The following KCNIP4 variants were observed in gnomAD, a reference collection of about 807,000 sequenced individuals.
The protein encoded by KCNIP4 is Kv channel-interacting protein 4.
In KCNIP4, 12 loss-of-function variants were observed where a neutral mutation model predicts 34.0. The observed-to-expected ratio is 0.35, with a 90% CI of 0.23 to 0.57. The LOEUF is 0.57. KCNIP4 is among the 20% of genes least tolerant of loss of function. The pLI, the probability that KCNIP4 is intolerant of heterozygous loss-of-function variation, is 0.83. For synonymous variants in KCNIP4, 124 were observed against 102.2 expected, an observed-to-expected ratio of 1.21 and a Z score of -1.29; for missense variants, 238 against 311.7, an observed-to-expected ratio of 0.76 and a Z score of 1.78.
At position 21,059,940 on chromosome 4, in the gene KCNIP4, T is replaced by C. The variant is rs1743770046; in HGVS notation, c.62-177231A>G. 5.3e-5 allele frequency among the ~76,000 whole-genome samples: 8 copies of C among 152,138 alleles called. No homozygotes were observed. In the South Asian group the frequency reaches 1.7e-3, roughly 31 times the overall value. ...AAAAACTCACATTTTTGCCTCATTA[T>C]CTTCCATAACAACATAAATATATTT... is the stretch of plus-strand genomic sequence containing the variant. On this transcript the variant is annotated intron_variant, in intron 1 of 8. Transcript: ENST00000382152.
At chr4:21,518,103 C>T (rs1185323721) in intron 1 of KCNIP4, among the ~76,000 whole-genome samples, 2 of 152,090 alleles carry the variant, frequency 1.3e-5, no homozygotes, top group African/African-American at 4.8e-5. Flanking sequence ...AAATCCTGCT[C>T]CTATTCCACC....
At chr4:21,817,676 T>C (rs1722071169) in intron 1 of KCNIP4, among the ~76,000 whole-genome samples, 1 of 152,152 alleles carries the variant, frequency 6.6e-6, no homozygotes, top group Non-Finnish European at 1.5e-5. Context: ...GCTCTGGGAA[T>C]GTCTGTCTTA....
intron 1 of KCNIP4, among the ~76,000 whole-genome samples, chr4:21,380,463 GAGA>G (rs1721392746): frequency 6.8e-6 from 1 of 147,588 alleles, no homozygotes; most frequent in South Asian, 2.2e-4. Flanking sequence ...GAGGGGGAGA[GAGA>G]GAGAGAGAGG....
intron 2 of KCNIP4, among the ~76,000 whole-genome samples, chr4:20,874,027 G>T (rs187691768): frequency 1.1e-4 from 17 of 152,296 alleles, no homozygotes; most frequent in African/African-American, 4.1e-4. Context: ...CACTACAGTA[G>T]TTGTGATCAT....
At chr4:21,254,784 C>A (rs1464565534) in intron 1 of KCNIP4, among the ~76,000 whole-genome samples, 1 of 152,128 alleles carries the variant, frequency 6.6e-6, no homozygotes, top group Non-Finnish European at 1.5e-5. Context: ...ACTGGAAAAA[C>A]CTGTAACCAA....
At chr4:20,834,383 G>C (rs1453096807) in intron 3 of KCNIP4, among the ~76,000 whole-genome samples, 2 of 152,178 alleles carry the variant, frequency 1.3e-5, no homozygotes, top group Non-Finnish European at 2.9e-5. Context: ...GGGTAAGCCA[G>C]ACAGCAGCAA....
chr4:21,497,563 T>C (rs1382219995), intron 1 of KCNIP4, among the ~76,000 whole-genome samples: 2 of 152,160 alleles, frequency 1.3e-5, no homozygotes, highest in Non-Finnish European at 2.9e-5. Flanking sequence ...TGTATTTTCA[T>C]TAAAGCTATA....
intron 1 of KCNIP4, among the ~76,000 whole-genome samples, chr4:21,171,302 A>G (rs191917059): frequency 6.6e-6 from 1 of 152,290 alleles, no homozygotes; most frequent in Admixed American, 6.5e-5. Context: ...AAGCTGCTAG[A>G]CAAATGTCAA....
At chr4:21,285,664 A>G (rs572372925) in intron 1 of KCNIP4, among the ~76,000 whole-genome samples, 2 of 152,052 alleles carry the variant, frequency 1.3e-5, no homozygotes, top group Admixed American at 1.3e-4. Context: ...CTCCGTCTCT[A>G]CTAAAAATCC....
chr4:21,356,517 C>T (rs1229523420), intron 1 of KCNIP4, among the ~76,000 whole-genome samples: 1 of 152,120 alleles, frequency 6.6e-6, no homozygotes, highest in Non-Finnish European at 1.5e-5. Context: ...TCTTATACAT[C>T]AATAACAGAC....
intron 1 of KCNIP4, among the ~76,000 whole-genome samples, chr4:21,500,886 T>C (rs943983845): frequency 2.0e-5 from 3 of 152,132 alleles, no homozygotes; most frequent in Non-Finnish European, 2.9e-5. Flanking sequence ...CACATCTTCT[T>C]TTGACCCATT....
chr4:21,067,736 C>T (rs530434431), intron 1 of KCNIP4, among the ~76,000 whole-genome samples: 1 of 152,096 alleles, frequency 6.6e-6, no homozygotes, highest in Non-Finnish European at 1.5e-5. Flanking sequence ...TTGCATTACC[C>T]CTCTCCCAGC....
chr4:21,720,013 A>AAGAAGGAGAAGG (rs71191538), intron 1 of KCNIP4, among the ~76,000 whole-genome samples: 3 of 131,234 alleles, frequency 2.3e-5, no homozygotes, highest in African/African-American at 3.2e-5. Context: ...AAAGAAGAAG[A>AAGAAGGAGAAGG]AGAAGGAGAA....
At chr4:21,593,904 G>A (rs1742420218) in intron 1 of KCNIP4, among the ~76,000 whole-genome samples, 1 of 152,210 alleles carries the variant, frequency 6.6e-6, no homozygotes, top group Admixed American at 6.6e-5. Context: ...CTCATCTGAA[G>A]AATCTTTGCA....
At position 21,181,514 on chromosome 4, in the gene KCNIP4, A is replaced by G. The variant is rs571007810; in HGVS notation, c.62-298805T>C. ...TGGATTCTCATCCATACGTTCATGC[A>G]TCCATCCATCCATCCATCCAAACCA... On this transcript the variant is annotated intron_variant, in intron 1 of 8. Coordinates refer to ENST00000382152, the MANE Select transcript of KCNIP4 (RefSeq NM_025221.6). Among the ~76,000 whole-genome samples the G allele has an allele frequency of 2.0e-5, 3 of 152,172 alleles. 1 individual carries two copies. Among genetic ancestry groups the G allele is most frequent in the Admixed American group, 6.6e-5 (1 of 15,258 alleles).
chr4:21,821,450 T>A (rs1722348886), intron 1 of KCNIP4, among the ~76,000 whole-genome samples: 3 of 152,222 alleles, frequency 2.0e-5, no homozygotes, highest in Admixed American at 2.0e-4. Flanking sequence ...TAAAAAGAAA[T>A]CCAATCTCTT....
chr4:21,453,190 T>C (rs1728657869), intron 1 of KCNIP4, among the ~76,000 whole-genome samples: 1 of 151,808 alleles, frequency 6.6e-6, no homozygotes, highest in Admixed American at 6.6e-5. Context: ...GGGGGTGAGA[T>C]TTAAAGCATC....
intron 1 of KCNIP4, among the ~76,000 whole-genome samples, chr4:21,916,265 T>C (rs1728626297): frequency 6.6e-6 from 1 of 152,218 alleles, no homozygotes; most frequent in Non-Finnish European, 1.5e-5. Context: ...CCAATAAAAA[T>C]CTCCTATATT....
At chr4:21,440,441 C>G (rs1401328510) in intron 1 of KCNIP4, among the ~76,000 whole-genome samples, 1 of 152,210 alleles carries the variant, frequency 6.6e-6, no homozygotes, top group Non-Finnish European at 1.5e-5. Context: ...AAAATTCTGA[C>G]TGTTCAAATC....
Sources: allele counts gnomAD v4.1 joint callset (sites outside exome capture counted in the v4.1 genomes callset), GRCh38; gene constraint gnomAD v4.1.1; transcripts MANE v1.5; gene names NCBI Gene and HGNC (gene_info 2026-07-23, HGNC 2026-07-21).